PIK3C2G: variants seen among roughly 807,000 people sequenced by gnomAD.
The protein encoded by PIK3C2G is phosphatidylinositol 3-kinase C2 domain-containing subunit gamma.
In PIK3C2G, 168 loss-of-function variants were observed where a neutral mutation model predicts 181.1. The ratio of observed to expected loss-of-function variants is 0.93; its 90% CI spans 0.82 to 1.05. PIK3C2G has a LOEUF of 1.05. Ranked by LOEUF, PIK3C2G falls within the 50% of genes least tolerant of loss-of-function variation. The pLI is 0.00. For synonymous variants in PIK3C2G, 573 were observed against 592.2 expected (o/e 0.97, Z 0.47); for missense variants, 1,869 against 1,732.8 (o/e 1.08, Z -1.40).
chr12:18,694,130 G>C, the PIK3C2G span: 1 of 892,742 alleles, frequency 1.1e-6, no homozygotes, highest in Non-Finnish European at 1.8e-6. Flanking sequence ...GAAAATGGTT[G>C]GGTGATTTCT....
intron 26 of PIK3C2G, among the ~76,000 whole-genome samples, chr12:18,547,255 T>G (rs1335917811): frequency 6.6e-6 from 1 of 152,006 alleles, no homozygotes; most frequent in Admixed American, 6.6e-5. Context: ...GTTTTACTTT[T>G]TCTTTCACCC....
intron 11 of PIK3C2G, among the ~76,000 whole-genome samples, chr12:18,362,015 T>A (rs1187780726): frequency 6.6e-6 from 1 of 151,994 alleles, no homozygotes; most frequent in Non-Finnish European, 1.5e-5. Flanking sequence ...ATCTAGGGTA[T>A]GCAGGGTCCT....
intron 24 of PIK3C2G, among the ~76,000 whole-genome samples, chr12:18,516,613 A>C (rs1592465511): frequency 6.6e-6 from 1 of 151,878 alleles, no homozygotes; most frequent in Admixed American, 6.6e-5. Flanking sequence ...TGTGGCGCTT[A>C]GTTTGCTTGA....
Position 18,355,285 on chromosome 12 carries a change from C to A in PIK3C2G, c.1626-7479C>A, listed in dbSNP as rs145728690. Among the ~76,000 whole-genome samples, 19 of 152,274 alleles carry A rather than the reference C, an allele frequency of 1.2e-4. 1 individual carries two copies. The East Asian group carries it at 3.5e-3, about 28-fold the overall frequency. Reference sequence around the variant, plus strand: ...GCCCTGCCAAATTTGCAGTTATCAGCCAGCAGGGCTCACTCTTCTGTTGCC... The same window carrying A: ...GCCCTGCCAAATTTGCAGTTATCAGACAGCAGGGCTCACTCTTCTGTTGCC... On this transcript the variant is annotated intron_variant, in intron 11 of 32. Transcript: ENST00000538779.
At chr12:18,340,155 C>A (rs1938991632) in intron 9 of PIK3C2G, among the ~76,000 whole-genome samples, 2 of 152,094 alleles carry the variant, frequency 1.3e-5, no homozygotes, top group South Asian at 2.1e-4. Context: ...TCATATTTTT[C>A]TATTCTGCTT....
downstream of PIK3C2G, among the ~76,000 whole-genome samples, chr12:18,650,102 G>T (rs1950352543): frequency 6.6e-6 from 1 of 151,872 alleles, no homozygotes; most frequent in Non-Finnish European, 1.5e-5. Flanking sequence ...GTAACAAACT[G>T]CCAACTCAAT....
At chr12:18,428,386 T>C (rs1383771748) in intron 18 of PIK3C2G, among the ~76,000 whole-genome samples, 1 of 152,066 alleles carries the variant, frequency 6.6e-6, no homozygotes, top group East Asian at 1.9e-4. Flanking sequence ...TGAGATTTTT[T>C]TTCACGTGGA....
chr12:18,674,643 T>C, the PIK3C2G span, among the ~76,000 whole-genome samples: 3 of 152,208 alleles, frequency 2.0e-5, no homozygotes, highest in East Asian at 1.9e-4. Flanking sequence ...AGATGAAACA[T>C]GGTCACAAAT....
chr12:18,670,872 A>G, the PIK3C2G span, among the ~76,000 whole-genome samples: 1 of 152,138 alleles, frequency 6.6e-6, no homozygotes, highest in African/African-American at 2.4e-5. Flanking sequence ...TCAATTGGAA[A>G]AATTATTTAA....
At chr12:18,498,000 T>C (rs1319220660) in intron 22 of PIK3C2G, among the ~76,000 whole-genome samples, 1 of 152,226 alleles carries the variant, frequency 6.6e-6, no homozygotes, top group African/African-American at 2.4e-5. Context: ...GATTTTATTT[T>C]ATGTGTCTTT....
upstream of PIK3C2G, among the ~76,000 whole-genome samples, chr12:18,246,458 G>C (rs1948040906): frequency 6.6e-6 from 1 of 151,958 alleles, no homozygotes; most frequent in African/African-American, 2.4e-5. Context: ...TTAAAAGGTA[G>C]AAAGCACAAT....
chr12:18,273,745 C>G (rs1476769651), intron 1 of PIK3C2G, among the ~76,000 whole-genome samples: 2 of 152,072 alleles, frequency 1.3e-5, no homozygotes, highest in African/African-American at 4.8e-5. Context: ...TAGCCATGGG[C>G]AAGGACTCCA....
At chr12:18,344,116 G>T (rs758248491) in intron 10 of PIK3C2G, among the ~76,000 whole-genome samples, 7 of 152,036 alleles carry the variant, frequency 4.6e-5, no homozygotes, top group Non-Finnish European at 2.9e-5. Flanking sequence ...ATCTGGTCAG[G>T]ATCGTTCTTG....
At position 18,642,816 on chromosome 12, in the gene PIK3C2G, G is replaced by GTGTGTC. The variant is rs1555161113; in HGVS notation, c.4308+2267_4308+2268insCTGTGT. On this transcript the variant is annotated intron_variant, in intron 32 of 32. Transcript: ENST00000538779. ...TGTGTGTGTGTGTGTGTGTGTGTGT[G>GTGTGTC]TGTGTGTATAAAATGTAAATACATG... Among the ~76,000 whole-genome samples, 718 of 148,956 alleles carry GTGTGTC rather than the reference G, an allele frequency of 4.8e-3. 6 individuals carry two copies. Among genetic ancestry groups the GTGTGTC allele is most frequent in the African/African-American group, 0.017 (663 of 38,928 alleles).
chr12:18,394,978 C>CTTT (rs1943766552), intron 15 of PIK3C2G, among the ~76,000 whole-genome samples: 2 of 151,298 alleles, frequency 1.3e-5, no homozygotes, highest in East Asian at 3.9e-4. Context: ...ACATACTCTC[C>CTTT]CTTTCTTTCT....
chr12:18,263,422 T>G (rs755711622), intron 1 of PIK3C2G, among the ~76,000 whole-genome samples: 2 of 152,114 alleles, frequency 1.3e-5, no homozygotes, highest in Admixed American at 6.6e-5. Flanking sequence ...CAGTATCTTA[T>G]ATATGTTCAT....
the PIK3C2G span, among the ~76,000 whole-genome samples, chr12:18,675,436 A>G: frequency 6.6e-6 from 1 of 152,190 alleles, no homozygotes; most frequent in East Asian, 1.9e-4. Context: ...GTAAATTAGT[A>G]CAACCTCTGT....
At chr12:18,253,935 T>C (rs1350528811) in intron 1 of PIK3C2G, among the ~76,000 whole-genome samples, 1 of 151,950 alleles carries the variant, frequency 6.6e-6, no homozygotes, top group Non-Finnish European at 1.5e-5. Flanking sequence ...TTTCAGTTTT[T>C]CTCTCACTCC....
chr12:18,322,765 A>G (rs997246305), intron 7 of PIK3C2G, among the ~76,000 whole-genome samples: 1 of 152,172 alleles, frequency 6.6e-6, no homozygotes, highest in Non-Finnish European at 1.5e-5. Flanking sequence ...ACTCCATAAA[A>G]TCATAGAATG....
Sources: allele counts gnomAD v4.1 joint callset (sites outside exome capture counted in the v4.1 genomes callset), GRCh38; gene constraint gnomAD v4.1.1; transcripts MANE v1.5; gene names NCBI Gene and HGNC (gene_info 2026-07-23, HGNC 2026-07-21).